The following ITPR1 variants were observed in gnomAD, a reference collection of about 807,000 sequenced individuals.
ITPR1 encodes inositol 1,4,5-trisphosphate receptor type 1.
In ITPR1, 96 loss-of-function variants were observed where a neutral mutation model predicts 318.4. That is an observed-to-expected ratio of 0.30 (90% CI 0.26 to 0.36). The LOEUF is 0.36. Ranked by LOEUF, ITPR1 falls within the 10% of genes least tolerant of loss-of-function variation. The pLI is 1.00. For missense variants in ITPR1, 2,440 were observed against 3,460.2 expected, an observed-to-expected ratio of 0.71 and a Z score of 7.40; for synonymous variants, 1,312 against 1,289.9, an observed-to-expected ratio of 1.02 and a Z score of -0.37.
chr3:4,507,310 T>C (rs1186398784), intron 2 of ITPR1, among the ~76,000 whole-genome samples: 1 of 152,132 alleles, frequency 6.6e-6, no homozygotes, highest in Non-Finnish European at 1.5e-5. Flanking sequence ...GACCTTGAAG[T>C]TTCCCTGACC....
intron 60 of ITPR1, among the ~76,000 whole-genome samples, chr3:4,819,577 T>G (rs1334218921): frequency 6.6e-6 from 1 of 152,198 alleles, no homozygotes; most frequent in African/African-American, 2.4e-5. Context: ...GTGCGAATGA[T>G]GAGGAGAAAT....
At chr3:4,609,334 C>G (rs886797188) in intron 4 of ITPR1, among the ~76,000 whole-genome samples, 4 of 151,390 alleles carry the variant, frequency 2.6e-5, no homozygotes, top group African/African-American at 9.7e-5. Context: ...GCTGTGTTTG[C>G]TAGGATAAAA....
rs1450530682 is a variant in ITPR1 at position 4,829,422 on chromosome 3, G to A, written c.8029-7352G>A. Among the ~76,000 whole-genome samples the A allele has an allele frequency of 4.6e-5, 7 of 151,382 alleles. No homozygotes were observed. The South Asian group carries it at 1.0e-3, about 22-fold the overall frequency. ...AATTTGGGGCTGGCCAACAAATTCCGGGTATGGAATCCCATTTTTAAAAAA... is the reference window on the plus strand; with the variant it reads ...AATTTGGGGCTGGCCAACAAATTCCAGGTATGGAATCCCATTTTTAAAAAA... On this transcript the variant is annotated intron_variant, in intron 60 of 61. Coordinates refer to ENST00000649015, the MANE Select transcript of ITPR1 (RefSeq NM_001378452.1).
chr3:4,784,033 G>A, intron 51 of ITPR1, 113 bp downstream of exon 51: 1 of 739,588 alleles, frequency 1.4e-6, no homozygotes, highest in Non-Finnish European at 2.3e-6. Flanking sequence ...ATGTGAGTGT[G>A]TACTGTGTGC....
chr3:4,750,933 A>G (rs898166250), intron 44 of ITPR1: 1 of 152,474 alleles, frequency 6.6e-6, no homozygotes, highest in Non-Finnish European at 1.5e-5. Context: ...TTTTCCCATG[A>G]TTTTTTTATT....
Position 4,795,197 on chromosome 3 carries a change from T to A in ITPR1, c.6931+10T>A, listed in dbSNP as rs1175717575. ...AAGGGAGTCCGAGGAGGTACCCATATCTTTAACTTCAAAAATCCTATTAGA... is the reference window on the plus strand; with the variant it reads ...AAGGGAGTCCGAGGAGGTACCCATAACTTTAACTTCAAAAATCCTATTAGA... On this transcript the variant is annotated intron_variant, in intron 53 of 61. Transcript: ENST00000649015. 1.2e-6 allele frequency: 2 copies of A among 1,610,538 alleles called. No individual in the cohort carries two copies. The highest frequency in any genetic ancestry group is 2.7e-5 in the African/African-American group (2 of 74,776).
At chr3:4,605,909 T>C (rs1418585336) in intron 4 of ITPR1, among the ~76,000 whole-genome samples, 3 of 151,722 alleles carry the variant, frequency 2.0e-5, no homozygotes, top group African/African-American at 7.3e-5. Flanking sequence ...CAACAGGGAG[T>C]GGGGCCGACA....
chr3:4,501,139 G>T (rs1443861789), intron 2 of ITPR1, among the ~76,000 whole-genome samples: 2 of 152,020 alleles, frequency 1.3e-5, no homozygotes, highest in Non-Finnish European at 2.9e-5. Context: ...TGGGACTGGA[G>T]GTGTGAGTCA....
Position 4,800,712 on chromosome 3 carries a change from T to C in ITPR1, c.7107+112T>C, listed in dbSNP as rs1038101304. ...GCTTTCAGTCCAGAAAATTATTGTT[T>C]GGGGCAACTGTTTAAATAGCCAGAA... On this transcript the variant is annotated intron_variant, in intron 54 of 61. Transcript: ENST00000649015. 4.5e-6 allele frequency: 5 copies of C among 1,116,982 alleles called. No homozygotes were observed. In the East Asian group the frequency reaches 1.2e-4, roughly 27 times the overall value. 69.2% of individuals were successfully genotyped at this position (1,116,982 alleles called of 1,614,324 possible).
chr3:4,520,381 T>C (rs1316701895), intron 3 of ITPR1, among the ~76,000 whole-genome samples: 3 of 152,238 alleles, frequency 2.0e-5, no homozygotes, highest in Non-Finnish European at 4.4e-5. Flanking sequence ...CTAGTTGCTT[T>C]TGATGCTCCA....
intron 60 of ITPR1, among the ~76,000 whole-genome samples, chr3:4,825,524 C>A (rs1228496800): frequency 6.6e-6 from 1 of 152,174 alleles, no homozygotes; most frequent in Non-Finnish European, 1.5e-5. Flanking sequence ...CAAATAAGTT[C>A]TATTAGCTAA....
At chr3:4,824,000 A>AT (rs1263365445) in intron 60 of ITPR1, among the ~76,000 whole-genome samples, 1 of 152,224 alleles carries the variant, frequency 6.6e-6, no homozygotes, top group African/African-American at 2.4e-5. Context: ...TGAATTGCAT[A>AT]TAAAGACGGC....
At chr3:4,550,578 G>A (rs1401076835) in intron 4 of ITPR1, among the ~76,000 whole-genome samples, 1 of 152,136 alleles carries the variant, frequency 6.6e-6, no homozygotes, top group South Asian at 2.1e-4. Context: ...GTTAGATTTC[G>A]TTCATGGGAC....
At chr3:4,837,079 C>A in intron 61 of ITPR1, 144 bp downstream of exon 61, 2 of 612,352 alleles carry the variant, frequency 3.3e-6, no homozygotes, top group South Asian at 4.3e-5. Context: ...CAAACCCACT[C>A]ACTCCTCCAG....
intron 36 of ITPR1, among the ~76,000 whole-genome samples, chr3:4,704,883 A>C (rs962892183): frequency 6.6e-6 from 1 of 152,078 alleles, no homozygotes; most frequent in African/African-American, 2.4e-5. Context: ...TATCCAAGGC[A>C]TAGAGTTTCT....
At chr3:4,534,753 G>T (rs1346389261) in intron 4 of ITPR1, among the ~76,000 whole-genome samples, 2 of 152,154 alleles carry the variant, frequency 1.3e-5, no homozygotes, top group African/African-American at 4.8e-5. Flanking sequence ...TATCAGTGAT[G>T]ACACTTATAT....
chr3:4,802,490 T>C (rs1006953706), intron 54 of ITPR1, among the ~76,000 whole-genome samples: 27 of 151,988 alleles, frequency 1.8e-4, no homozygotes, highest in Non-Finnish European at 1.0e-4. Context: ...GTCTTGGACA[T>C]AGTGTAGAAG....
At chr3:4,605,245 C>T (rs1324760645) in intron 4 of ITPR1, among the ~76,000 whole-genome samples, 4 of 152,136 alleles carry the variant, frequency 2.6e-5, no homozygotes, top group Non-Finnish European at 5.9e-5. Flanking sequence ...AGCCACCCTG[C>T]CCGGCCCTAT....
intron 4 of ITPR1, among the ~76,000 whole-genome samples, chr3:4,571,055 G>T (rs945542498): frequency 6.6e-6 from 1 of 152,140 alleles, no homozygotes; most frequent in Non-Finnish European, 1.5e-5. Flanking sequence ...CAATGACAGT[G>T]GCTCTAGAGA....
Sources: allele counts gnomAD v4.1 joint callset (sites outside exome capture counted in the v4.1 genomes callset), GRCh38; gene constraint gnomAD v4.1.1; transcripts MANE v1.5; gene names NCBI Gene and HGNC (gene_info 2026-07-23, HGNC 2026-07-21).